The following LINGO1 variants were observed in gnomAD, a reference collection of about 807,000 sequenced individuals.
The protein encoded by LINGO1 is leucine-rich repeat and immunoglobulin-like domain-containing nogo receptor-interacting protein 1.
Under a neutral mutation model 37.3 loss-of-function variants are expected in LINGO1, and 11 were observed. The ratio of observed to expected loss-of-function variants is 0.29; its 90% CI spans 0.19 to 0.49. The LOEUF (loss-of-function observed/expected upper bound fraction) is 0.49. Ranked by LOEUF, LINGO1 falls within the 20% of genes least tolerant of loss-of-function variation. The probability of loss-of-function intolerance (pLI) is 0.99; values close to 1 mark genes in which losing one functional copy is unlikely to be tolerated. For synonymous variants in LINGO1, 387 were observed against 403.0 expected, an observed-to-expected ratio of 0.96 and a Z score of 0.48; for missense variants, 585 against 878.2, an observed-to-expected ratio of 0.67 and a Z score of 4.22.
intron 1 of LINGO1, among the ~76,000 whole-genome samples, chr15:77,626,913 G>A (rs538373688): frequency 5.5e-4 from 84 of 152,068 alleles, no homozygotes; most frequent in Non-Finnish European, 7.8e-4. Flanking sequence ...AGATGCCCCC[G>A]TGTTGCATCC....
chr15:77,751,719 C>A lies in LINGO1; in HGVS notation c.-256-16666G>T, dbSNP rs1202980123. Among the ~76,000 whole-genome samples, 3 of 152,276 alleles carry A rather than the reference C, an allele frequency of 2.0e-5. No homozygotes were observed. In the East Asian group the frequency reaches 5.8e-4, roughly 29 times the overall value. On this transcript the variant is annotated intron_variant, in intron 1 of 3. Coordinates refer to the LINGO1 transcript ENST00000561686. ...CTTCAAATGCTTTTGCCTTTGAATCCAGCCATTCAACTGGCCCCACTGCCT... is the reference window on the plus strand; with the variant it reads ...CTTCAAATGCTTTTGCCTTTGAATCAAGCCATTCAACTGGCCCCACTGCCT...
At chr15:77,676,808 G>C (rs951844226) in intron 3 of LINGO1, among the ~76,000 whole-genome samples, 7 of 152,238 alleles carry the variant, frequency 4.6e-5, no homozygotes, top group African/African-American at 1.7e-4. Context: ...GGGGTTGCAG[G>C]GATGGTGTGT....
intron 3 of LINGO1, among the ~76,000 whole-genome samples, chr15:77,651,032 A>C (rs1386613720): frequency 1.3e-5 from 2 of 152,030 alleles, no homozygotes; most frequent in Non-Finnish European, 2.9e-5. Context: ...TCAAGCAGAA[A>C]AGGAGTGTAG....
At chr15:77,743,173 G>C (rs1181994333) in intron 1 of LINGO1, among the ~76,000 whole-genome samples, 1 of 152,066 alleles carries the variant, frequency 6.6e-6, no homozygotes, top group Non-Finnish European at 1.5e-5. Flanking sequence ...TGCTCCCCCT[G>C]CCAGGAGGGC....
rs972634664 is a variant in LINGO1, at chr15:77,793,649, C to T, written c.-343+2290G>A. Among the ~76,000 whole-genome samples the T allele has an allele frequency of 2.0e-5, 3 of 152,216 alleles. No individual in the cohort carries two copies. The South Asian group carries it at 6.2e-4, about 32-fold the overall frequency. On this transcript the variant is annotated intron_variant, in intron 2 of 5. Transcript: ENST00000562933. Reference sequence around the variant, plus strand: ...CATCAGAAACCATCAAAATACACAACAGAGAATTGGCTAAACGCACTATGG... The same window carrying T: ...CATCAGAAACCATCAAAATACACAATAGAGAATTGGCTAAACGCACTATGG...
intron 3 of LINGO1, among the ~76,000 whole-genome samples, chr15:77,658,225 A>G (rs1403018156): frequency 1.3e-5 from 2 of 152,152 alleles, no homozygotes; most frequent in Non-Finnish European, 2.9e-5. Flanking sequence ...GCTGGGCAGT[A>G]GCTCTTCTCT....
At chr15:77,683,415 C>T (rs1281037946) in intron 2 of LINGO1, among the ~76,000 whole-genome samples, 1 of 152,190 alleles carries the variant, frequency 6.6e-6, no homozygotes, top group African/African-American at 2.4e-5. Context: ...TATAAGGATG[C>T]TCCCCGAAGC....
chr15:77,811,427 C>T (rs1352429401), intron 1 of LINGO1, among the ~76,000 whole-genome samples: 1 of 152,170 alleles, frequency 6.6e-6, no homozygotes, highest in African/African-American at 2.4e-5. Context: ...CCACCTCTCC[C>T]CTCCCCTGCC....
At chr15:77,626,067 A>G (rs2074079402) in intron 1 of LINGO1, among the ~76,000 whole-genome samples, 1 of 152,180 alleles carries the variant, frequency 6.6e-6, no homozygotes. Context: ...GTCTGGCTCC[A>G]AAGGCATAAC....
intron 3 of LINGO1, chr15:77,651,713 T>C (rs892494281): frequency 3.3e-5 from 5 of 152,216 alleles, no homozygotes; most frequent in African/African-American, 9.7e-5. Context: ...AACAAGCTCA[T>C]ACAAACTCAA....
intron 2 of LINGO1, among the ~76,000 whole-genome samples, chr15:77,730,084 G>A (rs540395590): frequency 6.6e-6 from 1 of 152,110 alleles, no homozygotes; most frequent in South Asian, 2.1e-4. Flanking sequence ...TGTGGGGGGA[G>A]TAGGGGGAAG....
At chr15:77,790,430 A>T (rs559077202), upstream of LINGO1, among the ~76,000 whole-genome samples, 1 of 152,304 alleles carries the variant, frequency 6.6e-6, no homozygotes, top group South Asian at 2.1e-4. Context: ...AAAGCTCTCG[A>T]CACCTGTAGC....
At chr15:77,633,798 A>C (rs2074338376), upstream of LINGO1, among the ~76,000 whole-genome samples, 1 of 152,120 alleles carries the variant, frequency 6.6e-6, no homozygotes, top group Admixed American at 6.5e-5. Flanking sequence ...GGAGATCCAG[A>C]TCCTCCTTGA....
Position 77,640,219 on chromosome 15 carries a change from CAA to C in LINGO1, c.-12-24321_-12-24320del, listed in dbSNP as rs1313831201. Reference sequence around the variant, plus strand: ...AGATAGGTGTGGCTTGAGAGACTCGCAAAGTCTTGATTAATCAACCTGGAATA... The same window carrying C: ...AGATAGGTGTGGCTTGAGAGACTCGCAGTCTTGATTAATCAACCTGGAATA... On this transcript the variant is annotated intron_variant, in intron 3 of 3. Coordinates refer to the LINGO1 transcript ENST00000559893. Among the ~76,000 whole-genome samples the C allele has an allele frequency of 3.9e-5, 6 of 152,216 alleles. No individual in the cohort carries two copies. In the South Asian group the frequency reaches 6.2e-4, roughly 16 times the overall value.
intron 3 of LINGO1, among the ~76,000 whole-genome samples, chr15:77,676,186 G>T (rs906671318): frequency 1.3e-5 from 2 of 152,212 alleles, no homozygotes; most frequent in Admixed American, 1.3e-4. Flanking sequence ...TTGTGGCCTG[G>T]GCAGGCTGGC....
At chr15:77,618,007 CCA>C (rs763783200) in intron 1 of LINGO1, among the ~76,000 whole-genome samples, 2 of 152,248 alleles carry the variant, frequency 1.3e-5, no homozygotes, top group Non-Finnish European at 2.9e-5. Flanking sequence ...AGGCTATTTT[CCA>C]CAGTCACACA....
chr15:77,622,917 G>T (rs543219044), intron 1 of LINGO1, among the ~76,000 whole-genome samples: 1 of 152,126 alleles, frequency 6.6e-6, no homozygotes, highest in Non-Finnish European at 1.5e-5. Context: ...CTGGATCTCC[G>T]GCCACCCTCT....
intron 1 of LINGO1, among the ~76,000 whole-genome samples, chr15:77,695,373 G>A (rs1469462426): frequency 2.6e-5 from 4 of 152,150 alleles, no homozygotes; most frequent in Non-Finnish European, 5.9e-5. Context: ...AGCAGAGACA[G>A]CTGAATGGAC....
At chr15:77,625,208 A>G (rs935218667) in intron 1 of LINGO1, among the ~76,000 whole-genome samples, 3 of 152,192 alleles carry the variant, frequency 2.0e-5, no homozygotes, top group African/African-American at 7.2e-5. Context: ...TGAGAGGCTG[A>G]GGGGTGTGGT....
Sources: allele counts gnomAD v4.1 joint callset (sites outside exome capture counted in the v4.1 genomes callset), GRCh38; gene constraint gnomAD v4.1.1; transcripts MANE v1.5; gene names NCBI Gene and HGNC (gene_info 2026-07-23, HGNC 2026-07-21).